The following ARMC3 variants were observed in gnomAD, a reference collection of about 807,000 sequenced individuals.
The protein encoded by ARMC3 is armadillo repeat-containing protein 3.
In ARMC3, 74 loss-of-function variants were observed where a neutral mutation model predicts 90.3. That is an observed-to-expected ratio of 0.82 (90% CI 0.68 to 0.99). The LOEUF is 0.99. ARMC3 is among the 50% of genes least tolerant of loss of function. The pLI is 0.00. For synonymous variants in ARMC3, 334 were observed against 361.8 expected (o/e 0.92, Z 0.87); for missense variants, 958 against 1,042.8 (o/e 0.92, Z 1.12).
chr10:22,986,115 C>T (rs574041475), intron 10 of ARMC3, among the ~76,000 whole-genome samples: 1 of 147,486 alleles, frequency 6.8e-6, no homozygotes, highest in South Asian at 2.3e-4. Flanking sequence ...TGCACGCCCC[C>T]CCCCCGCGCC....
Position 23,003,242 on chromosome 10 carries a change from A to T in ARMC3, c.1563-4A>T. On this transcript the variant is annotated splice_region_variant and splice_polypyrimidine_tract_variant and intron_variant, in intron 12 of 18. Transcript: ENST00000298032. ...CAAATAATGCTTTTTGCTTTTATTG[A>T]CAGGGCTTTAGATATCCTTGAAGAA... 1 of 1,608,464 alleles carries T rather than the reference A, an allele frequency of 6.2e-7. No homozygotes were observed. Among genetic ancestry groups the T allele is most frequent in the South Asian group, 1.1e-5 (1 of 89,568 alleles).
chr10:22,962,573 T>A (rs1835247598), intron 7 of ARMC3, among the ~76,000 whole-genome samples: 1 of 152,262 alleles, frequency 6.6e-6, no homozygotes, highest in Admixed American at 6.5e-5. Context: ...CTCTTCTGAA[T>A]GTGTCCTGTG....
At chr10:22,928,846 T>C (rs937462377) in intron 1 of ARMC3, among the ~76,000 whole-genome samples, 3 of 152,210 alleles carry the variant, frequency 2.0e-5, no homozygotes, top group Non-Finnish European at 4.4e-5. Flanking sequence ...TATTTGTTAA[T>C]ATAAGAATTT....
At chr10:22,938,114 G>A (rs1373524638) in intron 2 of ARMC3, among the ~76,000 whole-genome samples, 1 of 152,162 alleles carries the variant, frequency 6.6e-6, no homozygotes. Context: ...TCTTTAAATA[G>A]AATCTTGGGC....
At chr10:22,960,055 C>G (rs1835125205) in intron 6 of ARMC3, 5 of 316,480 alleles carry the variant, frequency 1.6e-5, no homozygotes, top group South Asian at 1.3e-4. Context: ...GATGCTACCT[C>G]ACTGTGCTGT....
intron 2 of ARMC3, among the ~76,000 whole-genome samples, chr10:22,940,913 C>CT (rs1220232063): frequency 6.6e-6 from 1 of 152,150 alleles, no homozygotes; most frequent in Non-Finnish European, 1.5e-5. Context: ...TGCATGGCAA[C>CT]TTTCATACAT....
At chr10:22,934,815 A>G (rs1834051892) in intron 2 of ARMC3, among the ~76,000 whole-genome samples, 1 of 152,188 alleles carries the variant, frequency 6.6e-6, no homozygotes, top group Non-Finnish European at 1.5e-5. Context: ...TGTTATTATT[A>G]TTAATGATAT....
chr10:22,958,777 A>G lies in ARMC3; in HGVS notation c.293-293A>G, dbSNP rs546692655. 2.0e-4 allele frequency among the ~76,000 whole-genome samples: 30 copies of G among 152,330 alleles called. No homozygotes were observed. The South Asian group carries it at 6.2e-3, about 32-fold the overall frequency. On this transcript the variant is annotated intron_variant, in intron 4 of 18. Coordinates refer to ENST00000298032, the MANE Select transcript of ARMC3 (RefSeq NM_173081.5). ...CACTCTGTTGCCCAGGCTAGAGTAC[A>G]GTGGCGTGATCTCAGCTCACTGCAA...
At chr10:22,990,318 A>G (rs1836647581) in intron 10 of ARMC3, among the ~76,000 whole-genome samples, 1 of 152,212 alleles carries the variant, frequency 6.6e-6, no homozygotes, top group Non-Finnish European at 1.5e-5. Context: ...GAAAGGCTTG[A>G]GTAGGATTTC....
In ARMC3 at chr10:23,008,788, G is replaced by T. The variant is rs184330523; in HGVS notation, c.1929-27G>T. 26 of 1,553,416 alleles carry T rather than the reference G, an allele frequency of 1.7e-5. No individual in the cohort carries two copies. In the African/African-American group the frequency reaches 3.0e-4, roughly 18 times the overall value. The stretch of plus-strand genomic sequence containing the variant: ...TGTTGTTTTCCATATGATTGAAATT[G>T]GTTGTGGTTTTTTTTCAAATGACAA... On this transcript the variant is annotated intron_variant, in intron 15 of 18. Transcript: ENST00000298032.
intron 10 of ARMC3, among the ~76,000 whole-genome samples, chr10:22,994,344 G>A (rs955551334): frequency 3.3e-5 from 5 of 152,174 alleles, no homozygotes; most frequent in Non-Finnish European, 7.3e-5. Context: ...GGCTGGGGGT[G>A]CATGGGGCTG....
chr10:23,005,009 C>A (rs556638625), intron 13 of ARMC3, among the ~76,000 whole-genome samples: 1 of 122,010 alleles, frequency 8.2e-6, no homozygotes, highest in East Asian at 2.3e-4. Context: ...GAGGTCAGAT[C>A]GAGACCATCC....
At chr10:22,968,227 T>C in intron 7 of ARMC3, 79 bp from the exon 8 acceptor site, 2 of 1,346,222 alleles carry the variant, frequency 1.5e-6, no homozygotes, top group South Asian at 1.2e-5. Flanking sequence ...CTGACTGACT[T>C]TATTTCCTCT....
At chr10:22,958,271 G>C (rs1488227906) in intron 4 of ARMC3, among the ~76,000 whole-genome samples, 1 of 152,062 alleles carries the variant, frequency 6.6e-6, no homozygotes, top group Non-Finnish European at 1.5e-5. Flanking sequence ...CTTTAAAACA[G>C]TCAATATACT....
intron 16 of ARMC3, among the ~76,000 whole-genome samples, chr10:23,013,478 CTTAA>C (rs1344205997): frequency 3.9e-5 from 6 of 152,102 alleles, no homozygotes; most frequent in Non-Finnish European, 8.8e-5. Flanking sequence ...TTTATCGAGG[CTTAA>C]TTGACAAATG....
chr10:22,957,343 T>TA (rs1834985696), intron 4 of ARMC3, among the ~76,000 whole-genome samples: 1 of 152,166 alleles, frequency 6.6e-6, no homozygotes, highest in Non-Finnish European at 1.5e-5. Context: ...TCTGTGCCAT[T>TA]ACAGCCTCAG....
chr10:23,007,715 AAAG>A (rs773307780), intron 14 of ARMC3, among the ~76,000 whole-genome samples: 2 of 96,660 alleles, frequency 2.1e-5, no homozygotes, highest in Admixed American at 1.1e-4. Flanking sequence ...AAAAAAAAAA[AAAG>A]AGAGAGAGCG....
intron 11 of ARMC3, among the ~76,000 whole-genome samples, chr10:23,000,188 A>G (rs1837218467): frequency 6.6e-6 from 1 of 151,752 alleles, no homozygotes; most frequent in South Asian, 2.1e-4. Context: ...GTAAGCTCCA[A>G]CTCTGTCCAG....
chr10:22,959,372 C>T, intron 5 of ARMC3, 27 bp from the exon 6 acceptor site: 3 of 1,577,284 alleles, frequency 1.9e-6, no homozygotes, highest in South Asian at 1.2e-5. Context: ...AGTTGGCATA[C>T]TTGTGTTATT....
Sources: gnomAD v4.1 joint callset for allele counts (sites outside exome capture counted in the v4.1 genomes callset) on GRCh38, gnomAD v4.1.1 for gene constraint, MANE v1.5 for transcripts, NCBI Gene and HGNC (gene_info 2026-07-23, HGNC 2026-07-21) for gene names.